Variants in BRI3 observed in about 807,000 individuals in gnomAD.
The protein encoded by BRI3 is membrane protein BRI3.
In BRI3, 6 loss-of-function variants were observed where a neutral mutation model predicts 12.8. The observed-to-expected ratio is 0.47, with a 90% CI of 0.26 to 0.93. The LOEUF (loss-of-function observed/expected upper bound fraction) is 0.93, where lower values mean the gene tolerates loss of function less well. BRI3 is among the 40% of genes least tolerant of loss of function. The pLI is 0.15. For missense variants in BRI3, 134 were observed against 171.1 expected (o/e 0.78, Z 1.21); for synonymous variants, 91 against 76.1 (o/e 1.20, Z -1.02).
At chr7:98,282,700 G>A in intron 2 of BRI3, 2 of 492,528 alleles carry the variant, frequency 4.1e-6, no homozygotes, top group South Asian at 2.6e-5. Context: ...AGATCTTGGG[G>A]CATTGCACCC....
upstream of BRI3, among the ~76,000 whole-genome samples, chr7:98,302,896 C>A (rs1800486998): frequency 6.6e-6 from 1 of 152,124 alleles, no homozygotes. Flanking sequence ...GCTATCCTCC[C>A]ACCACAGCCT....
chr7:98,293,693 G>C, downstream of BRI3: 1 of 1,226,050 alleles, frequency 8.2e-7, no homozygotes. Context: ...GTGAGACTGG[G>C]CGGCTGACCA....
At chr7:98,285,237 C>T (rs1199120711) in intron 2 of BRI3, among the ~76,000 whole-genome samples, 1 of 152,160 alleles carries the variant, frequency 6.6e-6, no homozygotes, top group Non-Finnish European at 1.5e-5. Flanking sequence ...CAGTGGCCAG[C>T]GTGGAGGCTG....
At chr7:98,302,752 C>A (rs775419831), upstream of BRI3, among the ~76,000 whole-genome samples, 1 of 152,164 alleles carries the variant, frequency 6.6e-6, no homozygotes, top group Admixed American at 6.6e-5. Flanking sequence ...ATGTATGGAG[C>A]TGATTTGGAT....
chr7:98,311,840 A>G (rs1433784668), downstream of BRI3, among the ~76,000 whole-genome samples: 4 of 152,122 alleles, frequency 2.6e-5, no homozygotes, highest in African/African-American at 9.7e-5. Flanking sequence ...CGGGAGGTGG[A>G]GGTTGCAGTG....
intron 1 of BRI3, among the ~76,000 whole-genome samples, chr7:98,298,340 C>T (rs1018441056): frequency 1.3e-5 from 2 of 152,066 alleles, no homozygotes; most frequent in African/African-American, 2.4e-5. Context: ...GGGCTGGGTG[C>T]GGTGGCTCAC....
chr7:98,306,739 G>A (rs992298667), intron 1 of BRI3: 12 of 602,506 alleles, frequency 2.0e-5, no homozygotes, highest in South Asian at 5.9e-5. Context: ...ACAGGGTCTC[G>A]CTCTGTTGCC....
chr7:98,289,323 G>A (rs201654548), intron 2 of BRI3, among the ~76,000 whole-genome samples: 5 of 152,324 alleles, frequency 3.3e-5, no homozygotes, highest in East Asian at 1.9e-4. Context: ...CATAATCCCC[G>A]GAGAAGCAGG....
chr7:98,309,551 A>G (rs1800795413), exon 2 of BRI3: 1 of 152,242 alleles, frequency 6.6e-6, no homozygotes, highest in African/African-American at 2.4e-5. Flanking sequence ...TGTGTATTTT[A>G]GTTAACTGAC....
intron 2 of BRI3, among the ~76,000 whole-genome samples, chr7:98,283,265 G>A (rs1799592468): frequency 6.6e-6 from 1 of 152,158 alleles, no homozygotes; most frequent in Non-Finnish European, 1.5e-5. Context: ...ATGGAATTAA[G>A]AAACCCTGGT....
chr7:98,305,938 A>C (rs1331764600), upstream of BRI3, among the ~76,000 whole-genome samples: 1 of 152,186 alleles, frequency 6.6e-6, no homozygotes, highest in Admixed American at 6.6e-5. Context: ...GGCCCAGCAC[A>C]GGCAGGAAGG....
At chr7:98,292,594 C>T (rs764668270), downstream of BRI3, 184 of 1,539,440 alleles carry the variant, frequency 1.2e-4, no homozygotes, top group Middle Eastern at 1.7e-4. Context: ...GGCCAGGTTC[C>T]GAGGGCATCA....
downstream of BRI3, among the ~76,000 whole-genome samples, chr7:98,294,527 C>T (rs1040709452): frequency 2.6e-5 from 4 of 152,246 alleles, no homozygotes; most frequent in South Asian, 4.1e-4. Context: ...GTGAACGAGC[C>T]GCCTGCTAAA....
Position 98,308,561 on chromosome 7 carries a change from C to T in BRI3, n.1191C>T, listed in dbSNP as rs534529472. On this transcript the variant is annotated non_coding_transcript_exon_variant, in exon 2 of 2. Transcript: ENST00000485422. Reference sequence around the variant, plus strand: ...TGGCTGGGCCAGGAACCAGCTAGGGCAGGTTTGTCCCATACTCTCTACCCA... The same window carrying T: ...TGGCTGGGCCAGGAACCAGCTAGGGTAGGTTTGTCCCATACTCTCTACCCA... The T allele has an allele frequency of 2.3e-4, 78 of 341,282 alleles. 2 individuals are homozygous for T. The highest frequency in any genetic ancestry group is 1.8e-3 in the South Asian group (76 of 43,244). 21.1% of individuals were successfully genotyped at this position (341,282 alleles called of 1,614,324 possible).
chr7:98,282,498 GACCCCCGCCC>G, intron 2 of BRI3, 45 bp downstream of exon 2: 1 of 1,532,390 alleles, frequency 6.5e-7, no homozygotes. Flanking sequence ...AAGCTCTGAG[GACCCCCGCCC>G]TAACCCCCAG....
intron 2 of BRI3, among the ~76,000 whole-genome samples, chr7:98,288,871 C>T (rs1271035476): frequency 1.3e-5 from 2 of 152,024 alleles, no homozygotes; most frequent in African/African-American, 2.4e-5. Context: ...CAGTTGCAGG[C>T]GTGAGCCACG....
chr7:98,294,422 G>A (rs966813155), downstream of BRI3, among the ~76,000 whole-genome samples: 7 of 152,192 alleles, frequency 4.6e-5, no homozygotes, highest in Non-Finnish European at 8.8e-5. Context: ...AACAGAAAAC[G>A]CTCTGAAAGG....
intron 1 of BRI3, among the ~76,000 whole-genome samples, chr7:98,299,627 G>A (rs1399345075): frequency 6.6e-6 from 1 of 152,214 alleles, no homozygotes; most frequent in African/African-American, 2.4e-5. Flanking sequence ...AAGTAGCAGG[G>A]ATCACAGGTG....
chr7:98,319,447 C>T, the BRI3 span, among the ~76,000 whole-genome samples: 1 of 152,156 alleles, frequency 6.6e-6, no homozygotes, highest in Non-Finnish European at 1.5e-5. Flanking sequence ...TCTGCATCAG[C>T]TGCAGCGACA....
Sources: allele counts gnomAD v4.1 joint callset (sites outside exome capture counted in the v4.1 genomes callset), GRCh38; gene constraint gnomAD v4.1.1; transcripts MANE v1.5; gene names NCBI Gene and HGNC (gene_info 2026-07-23, HGNC 2026-07-21).